PCCA: variants seen among roughly 807,000 people sequenced by gnomAD.
PCCA encodes propionyl-CoA carboxylase subunit alpha.
Under a neutral mutation model 101.3 loss-of-function variants are expected in PCCA, and 74 were observed. The observed-to-expected ratio is 0.73, with a 90% confidence interval of 0.61 to 0.89. The LOEUF (loss-of-function observed/expected upper bound fraction) is 0.89. Among genes scored for constraint, PCCA ranks in the 40% least tolerant of loss-of-function variants. The pLI is 0.00. For synonymous variants in PCCA, 294 were observed against 313.6 expected (o/e 0.94, Z 0.66); for missense variants, 891 against 907.0 (o/e 0.98, Z 0.23).
intron 22 of PCCA, among the ~76,000 whole-genome samples, chr13:100,525,097 G>C (rs559983203): frequency 1.3e-5 from 2 of 152,204 alleles, no homozygotes; most frequent in South Asian, 4.2e-4. Flanking sequence ...ACCACGAGAG[G>C]AACTAGGGAG....
rs1162231914 is a variant in PCCA, at chr13:100,268,446, A to G, written c.820-243A>G. 2.0e-5 allele frequency: 11 copies of G among 543,926 alleles called. No individual in the cohort carries two copies. In the Admixed American group the frequency reaches 3.2e-4, roughly 16 times the overall value. 33.7% of individuals were successfully genotyped at this position (543,926 alleles called of 1,614,324 possible). On this transcript the variant is annotated intron_variant, in intron 10 of 23. Transcript: ENST00000376285. Reference sequence around the variant, plus strand: ...CTGATTCTGATGTTTTACTCGTTGTATTTGAAAGGTGATATGAACACTTTT... The same window carrying G: ...CTGATTCTGATGTTTTACTCGTTGTGTTTGAAAGGTGATATGAACACTTTT...
At chr13:100,358,701 A>G (rs2074211045) in intron 18 of PCCA, among the ~76,000 whole-genome samples, 2 of 152,244 alleles carry the variant, frequency 1.3e-5, no homozygotes, top group Admixed American at 1.3e-4. Context: ...TTGAAGAGAC[A>G]CAAAAGGACA....
rs368302739 is a variant in PCCA, at chr13:100,307,712, G to A, written c.1353+452G>A. On this transcript the variant is annotated intron_variant, in intron 15 of 23. Coordinates refer to ENST00000376285, the MANE Select transcript of PCCA (RefSeq NM_000282.4). Reference sequence around the variant, plus strand: ...TACCAATTATTTAAGTAGATGTGATGTAAGAGTATAAGATTTGTTTTGCCC... The same window carrying A: ...TACCAATTATTTAAGTAGATGTGATATAAGAGTATAAGATTTGTTTTGCCC... 7.2e-5 allele frequency among the ~76,000 whole-genome samples: 11 copies of A among 152,288 alleles called. No homozygotes were observed. The South Asian group carries it at 1.2e-3, about 17-fold the overall frequency.
intron 4 of PCCA, among the ~76,000 whole-genome samples, chr13:100,147,223 G>A (rs2052690916): frequency 6.6e-6 from 1 of 151,908 alleles, no homozygotes; most frequent in South Asian, 2.1e-4. Flanking sequence ...TTAAAACGGG[G>A]CAGGGAATAA....
At chr13:100,329,142 A>G (rs1254848736) in intron 16 of PCCA, among the ~76,000 whole-genome samples, 1 of 152,078 alleles carries the variant, frequency 6.6e-6, no homozygotes, top group Non-Finnish European at 1.5e-5. Flanking sequence ...TTAAATAAAT[A>G]TGGTTATGTT....
chr13:100,415,332 A>G (rs2078297764), intron 19 of PCCA, among the ~76,000 whole-genome samples: 1 of 151,966 alleles, frequency 6.6e-6, no homozygotes, highest in Non-Finnish European at 1.5e-5. Context: ...GCTTGAGCCC[A>G]GGGGGTTGAG....
At chr13:100,359,573 T>C (rs1375848598) in intron 18 of PCCA, among the ~76,000 whole-genome samples, 1 of 152,178 alleles carries the variant, frequency 6.6e-6, no homozygotes, top group Non-Finnish European at 1.5e-5. Context: ...CCACTTAACA[T>C]AGCATAAAAA....
intron 7 of PCCA, among the ~76,000 whole-genome samples, chr13:100,210,821 A>G (rs1027211470): frequency 8.5e-5 from 13 of 152,126 alleles, no homozygotes; most frequent in African/African-American, 3.1e-4. Flanking sequence ...GCATTAGAGG[A>G]CGATTAGAAA....
intron 19 of PCCA, among the ~76,000 whole-genome samples, chr13:100,395,680 A>T (rs1311674724): frequency 1.3e-5 from 2 of 152,186 alleles, no homozygotes; most frequent in African/African-American, 4.8e-5. Flanking sequence ...ATATTCTTTT[A>T]GTGGTTCTGC....
At chr13:100,459,280 G>C (rs538626749) in intron 21 of PCCA, among the ~76,000 whole-genome samples, 1 of 152,310 alleles carries the variant, frequency 6.6e-6, no homozygotes, top group Non-Finnish European at 1.5e-5. Context: ...GAGGTTCTGA[G>C]TAGATATGAA....
At chr13:100,384,305 C>T (rs574297823) in intron 19 of PCCA, among the ~76,000 whole-genome samples, 87 of 152,280 alleles carry the variant, frequency 5.7e-4, no homozygotes, top group African/African-American at 2.0e-3. Context: ...GGATTACAGG[C>T]GTGAACCACT....
intron 8 of PCCA, among the ~76,000 whole-genome samples, chr13:100,244,709 A>T (rs943123615): frequency 4.6e-5 from 7 of 152,062 alleles, no homozygotes; most frequent in African/African-American, 1.7e-4. Context: ...AGAGTTAGGG[A>T]TCTAGTATTT....
chr13:100,148,443 T>A (rs1329490588), intron 4 of PCCA, among the ~76,000 whole-genome samples: 1 of 128,548 alleles, frequency 7.8e-6, no homozygotes, highest in African/African-American at 2.9e-5. Context: ...CTTTTTCCTC[T>A]GCTTTATTCC....
At chr13:100,217,770 G>A (rs143599294) in intron 7 of PCCA, among the ~76,000 whole-genome samples, 3,826 of 144,850 alleles carry the variant, frequency 0.026, 63 homozygotes, top group Middle Eastern at 0.056. Flanking sequence ...CAGGAGAATC[G>A]CTAGAACCCT....
At chr13:100,158,158 AG>A (rs1209736288) in intron 6 of PCCA, among the ~76,000 whole-genome samples, 2 of 152,308 alleles carry the variant, frequency 1.3e-5, no homozygotes, top group Middle Eastern at 3.4e-3. Flanking sequence ...TGGATCCTGT[AG>A]GCTGTTGTAA....
At chr13:100,441,996 T>TC (rs1280829724) in intron 20 of PCCA, among the ~76,000 whole-genome samples, 1 of 138,296 alleles carries the variant, frequency 7.2e-6, no homozygotes, top group Non-Finnish European at 1.6e-5. Flanking sequence ...TTTCTTTTTT[T>TC]TTTTTTTTTA....
chr13:100,173,259 G>C (rs1023785914), intron 6 of PCCA, among the ~76,000 whole-genome samples: 3 of 152,206 alleles, frequency 2.0e-5, no homozygotes, highest in Non-Finnish European at 4.4e-5. Flanking sequence ...GCTGGTTCTG[G>C]TTGAGTTGGT....
intron 19 of PCCA, among the ~76,000 whole-genome samples, chr13:100,381,822 T>A (rs1227143267): frequency 6.6e-6 from 1 of 152,124 alleles, no homozygotes; most frequent in Non-Finnish European, 1.5e-5. Context: ...CTCCACTCAT[T>A]TGCACCTGTT....
At chr13:100,234,204 G>A (rs2060649811) in intron 7 of PCCA, among the ~76,000 whole-genome samples, 1 of 152,180 alleles carries the variant, frequency 6.6e-6, no homozygotes, top group African/African-American at 2.4e-5. Flanking sequence ...CTATTAAGGG[G>A]AAGTATTCTC....
Sources: gnomAD v4.1 joint callset for allele counts (sites outside exome capture counted in the v4.1 genomes callset) on GRCh38, gnomAD v4.1.1 for gene constraint, MANE v1.5 for transcripts, NCBI Gene and HGNC (gene_info 2026-07-23, HGNC 2026-07-21) for gene names.